TNFRSF8: variants seen among roughly 807,000 people sequenced by gnomAD.
TNFRSF8 encodes tumor necrosis factor receptor superfamily member 8.
Under a neutral mutation model 70.8 loss-of-function variants are expected in TNFRSF8, and 26 were observed. The ratio of observed to expected loss-of-function variants is 0.37; its 90% CI spans 0.27 to 0.51. TNFRSF8 has a LOEUF of 0.51. TNFRSF8 is among the 20% of genes least tolerant of loss of function. The pLI is 0.94. For missense variants in TNFRSF8, 720 were observed against 807.9 expected, an observed-to-expected ratio of 0.89 and a Z score of 1.32; for synonymous variants, 356 against 339.2, an observed-to-expected ratio of 1.05 and a Z score of -0.54.
At position 12,115,672 on chromosome 1, in the gene TNFRSF8, T is replaced by C. The variant is rs1763642; in HGVS notation, c.889T>C (p.Cys297Arg). 2.1e-5 allele frequency: 34 copies of C among 1,614,094 alleles called. No individual in the cohort carries two copies. The highest frequency in any genetic ancestry group is 2.8e-5 in the Non-Finnish European group (33 of 1,180,038). The change falls in exon 8 of 15, where the codon TGT (cysteine) becomes CGT (arginine). Residue 297 changes from cysteine (C) to arginine (R), a missense_variant. Coordinates refer to ENST00000263932, the MANE Select transcript of TNFRSF8 (RefSeq NM_001243.5). ...CTGTGCCACATCAGCCACCAACTCC[T>C]GTGCCCGCTGTGTCCCCTACCCAAT... ...MICATSATNS[C>R]ARCVPYPICA...
chr1:12,069,460 G>A (rs1172360762), intron 1 of TNFRSF8, among the ~76,000 whole-genome samples: 1 of 152,132 alleles, frequency 6.6e-6, no homozygotes, highest in Non-Finnish European at 1.5e-5. Flanking sequence ...GAATACAGGG[G>A]TGAGCCACCA....
At chr1:12,135,073 T>G (rs2101042829) in intron 12 of TNFRSF8, among the ~76,000 whole-genome samples, 1 of 151,964 alleles carries the variant, frequency 6.6e-6, no homozygotes, top group East Asian at 1.9e-4. Flanking sequence ...CCCAGCACTT[T>G]GCAAGGCCAA....
chr1:12,091,218 A>G (rs1435072553), intron 2 of TNFRSF8, among the ~76,000 whole-genome samples: 1 of 152,222 alleles, frequency 6.6e-6, no homozygotes, highest in East Asian at 1.9e-4. Context: ...TGATGCACAG[A>G]CTTTGAGGCA....
In TNFRSF8 at chr1:12,110,315, G is replaced by T; in HGVS notation, c.676+111G>T. 8.6e-7 allele frequency: 1 copy of T among 1,163,814 alleles called. No homozygotes were observed. The highest frequency in any genetic ancestry group is 1.2e-6 in the Non-Finnish European group (1 of 851,998). 72.1% of individuals were successfully genotyped at this position (1,163,814 alleles called of 1,614,324 possible). A position where few individuals can be genotyped will look rare whatever the true frequency, so the allele number is the denominator to read the frequency against. On this transcript the variant is annotated intron_variant, in intron 6 of 14. Transcript: ENST00000263932. The surrounding 1 kb of genome is among the most constrained non-coding windows in gnomAD (Gnocchi z 4.0). ...GGCAGTGATCTGTGGTCTTTTCCTG[G>T]TGGGGAGAGAAGACGGTGGTAAGGT... is the stretch of plus-strand genomic sequence containing the variant.
Position 12,109,714 on chromosome 1 carries a change from C to A in TNFRSF8, c.512+58C>A. The A allele has an allele frequency of 1.4e-6, 2 of 1,436,168 alleles. No individual in the cohort carries two copies. Among genetic ancestry groups the A allele is most frequent in the Non-Finnish European group, 9.8e-7 (1 of 1,023,722 alleles). The allele number at this position is 1,436,168 out of a possible 1,614,324, so 89.0% of individuals were successfully genotyped here. On this transcript the variant is annotated intron_variant, in intron 5 of 14. Transcript: ENST00000263932. This position sits in a 1 kb window ranked among gnomAD's most constrained non-coding sequence, Gnocchi z 4.4. Reference sequence around the variant, plus strand: ...CCAAGCTGGCTTTCAGATGAGGCTGCCCCACCCCACAGGACGCCCATGGTA... The same window carrying A: ...CCAAGCTGGCTTTCAGATGAGGCTGACCCACCCCACAGGACGCCCATGGTA...
At position 12,068,952 on chromosome 1, in the gene TNFRSF8, A is replaced by G. The variant is rs186140660; in HGVS notation, c.63+5291A>G. Reference sequence around the variant, plus strand: ...AGTGGTGCGATCTCGGCTCACTGCAACCTCCGCCTCCCGGGTTCAAGCAAT... The same window carrying G: ...AGTGGTGCGATCTCGGCTCACTGCAGCCTCCGCCTCCCGGGTTCAAGCAAT... On this transcript the variant is annotated intron_variant, in intron 1 of 14. Transcript: ENST00000263932. 3.7e-3 allele frequency among the ~76,000 whole-genome samples: 560 copies of G among 150,464 alleles called. 2 individuals are homozygous for G. The highest frequency in any genetic ancestry group is 0.024 in the Middle Eastern group (7 of 294).
intron 3 of TNFRSF8, among the ~76,000 whole-genome samples, chr1:12,101,147 C>T (rs189928654): frequency 1.2e-4 from 19 of 152,086 alleles, no homozygotes; most frequent in East Asian, 7.7e-4. Context: ...ATGATAAGGC[C>T]GGCTTGGTGG....
chr1:12,108,073 C>A lies in TNFRSF8; in HGVS notation c.422-1493C>A, dbSNP rs1369679865. Among the ~76,000 whole-genome samples the A allele has an allele frequency of 1.4e-5, 2 of 139,206 alleles. No individual in the cohort carries two copies. Among genetic ancestry groups the A allele is most frequent in the African/African-American group, 5.2e-5 (2 of 38,444 alleles). The allele number at this position is 139,206 out of a possible 152,430, so 91.3% of individuals were successfully genotyped here. ...GCGAAGTCCCACACATACAGGCCAC[C>A]ATTTTTTTATTTTTTTTTTTTTTGT... is the stretch of plus-strand genomic sequence containing the variant. On this transcript the variant is annotated intron_variant, in intron 4 of 14. Coordinates refer to ENST00000263932, the MANE Select transcript of TNFRSF8 (RefSeq NM_001243.5). The surrounding 1 kb of genome is among the most constrained non-coding windows in gnomAD (Gnocchi z 4.0).
At position 12,138,778 on chromosome 1, in the gene TNFRSF8, G is replaced by T. The variant is rs1642201717; in HGVS notation, c.1543+342G>T. On this transcript the variant is annotated intron_variant, in intron 14 of 14. Coordinates refer to ENST00000263932, the MANE Select transcript of TNFRSF8 (RefSeq NM_001243.5). The surrounding 1 kb of genome is among the most constrained non-coding windows in gnomAD (Gnocchi z 5.7). ...CCTGCCACTTGTCTGGCGCATTCCG[G>T]GCACTGTGTAGGTGCCATCTCTTCA... 6.6e-6 allele frequency among the ~76,000 whole-genome samples: 1 copy of T among 152,152 alleles called. No individual in the cohort carries two copies.
At chr1:12,130,188 G>A (rs1285344869) in intron 12 of TNFRSF8, among the ~76,000 whole-genome samples, 5 of 152,206 alleles carry the variant, frequency 3.3e-5, no homozygotes, top group Non-Finnish European at 5.9e-5. Flanking sequence ...GATGACAGGC[G>A]TGAGCTGCCA....
intron 2 of TNFRSF8, among the ~76,000 whole-genome samples, chr1:12,085,886 C>T (rs768035212): frequency 6.6e-6 from 1 of 152,212 alleles, no homozygotes; most frequent in Non-Finnish European, 1.5e-5. Context: ...ATAACGATGC[C>T]CTCGTGGTCT....
intron 12 of TNFRSF8, 145 bp from the exon 13 acceptor site, chr1:12,135,443 G>A: frequency 2.7e-6 from 3 of 1,117,730 alleles, no homozygotes; most frequent in Admixed American, 2.1e-5. Context: ...GAAACCCATC[G>A]AGGGCTCTCC....
intron 4 of TNFRSF8, among the ~76,000 whole-genome samples, chr1:12,104,967 C>T (rs374400519): frequency 1.3e-5 from 2 of 152,158 alleles, no homozygotes; most frequent in African/African-American, 4.8e-5. Context: ...ACTTGGGTTT[C>T]TTTTCCAACT....
intron 3 of TNFRSF8, among the ~76,000 whole-genome samples, chr1:12,098,641 T>C (rs1641370084): frequency 6.6e-6 from 1 of 152,038 alleles, no homozygotes; most frequent in South Asian, 2.1e-4. Flanking sequence ...CTCAGTCAGA[T>C]TAATGTATCT....
Position 12,138,481 on chromosome 1 carries a change from A to G in TNFRSF8, c.1543+45A>G, listed in dbSNP as rs1472820582. The G allele has an allele frequency of 6.4e-7, 1 of 1,559,866 alleles. No individual in the cohort carries two copies. The highest frequency in any genetic ancestry group is 8.7e-7 in the Non-Finnish European group (1 of 1,146,780). The stretch of plus-strand genomic sequence containing the variant: ...GAGGTCCCCTGCAGCCCAGGGGCAG[A>G]TGGGAGATGAATACGGGGCCCTGGG... On this transcript the variant is annotated intron_variant, in intron 14 of 14. Coordinates refer to ENST00000263932, the MANE Select transcript of TNFRSF8 (RefSeq NM_001243.5). The surrounding 1 kb of genome is among the most constrained non-coding windows in gnomAD (Gnocchi z 5.7).
intron 3 of TNFRSF8, among the ~76,000 whole-genome samples, chr1:12,097,896 G>C (rs2100987004): frequency 6.6e-6 from 1 of 152,192 alleles, no homozygotes; most frequent in South Asian, 2.1e-4. Flanking sequence ...TATCTATTAA[G>C]TTAAGCTTGT....
rs1642261496 is a variant in TNFRSF8 at position 12,141,971 on chromosome 1, G to A, written c.1544-316G>A. 6.6e-6 allele frequency among the ~76,000 whole-genome samples: 1 copy of A among 152,158 alleles called. No homozygotes were observed. On this transcript the variant is annotated intron_variant, in intron 14 of 14. Transcript: ENST00000263932. The surrounding 1 kb of genome is among the most constrained non-coding windows in gnomAD (Gnocchi z 5.4). ...TTCTGCTCGTGCTCTGGTTACCCAC[G>A]GCTTTGCCTGTTTTTGTCCACAGTT...
Position 12,112,125 on chromosome 1 carries a change from T to G in TNFRSF8, c.793+111T>G. On this transcript the variant is annotated intron_variant, in intron 7 of 14. Transcript: ENST00000263932. This position sits in a 1 kb window ranked among gnomAD's most constrained non-coding sequence, Gnocchi z 5.3. ...TTGTGGGTTTTTGATGGGGGTCGCC[T>G]CTTTTCAGAGGGCTTCCATTGGCAT... 1.4e-6 allele frequency: 1 copy of G among 724,666 alleles called. No individual in the cohort carries two copies. The highest frequency in any genetic ancestry group is 2.3e-6 in the Non-Finnish European group (1 of 432,652). 44.9% of individuals were successfully genotyped at this position (724,666 alleles called of 1,614,324 possible).
rs1415244171 is a variant in TNFRSF8, at chr1:12,109,292, C to G, written c.422-274C>G. ...AGAGGAATGCAACGGATTGATTGGTCCAGCCTGGTCTCATGGCCACTCGGG... is the reference window on the plus strand; with the variant it reads ...AGAGGAATGCAACGGATTGATTGGTGCAGCCTGGTCTCATGGCCACTCGGG... On this transcript the variant is annotated intron_variant, in intron 4 of 14. Transcript: ENST00000263932. This position sits in a 1 kb window ranked among gnomAD's most constrained non-coding sequence, Gnocchi z 4.4. Among the ~76,000 whole-genome samples, 1 of 152,164 alleles carries G rather than the reference C, an allele frequency of 6.6e-6. No individual in the cohort carries two copies. Among genetic ancestry groups the G allele is most frequent in the Non-Finnish European group, 1.5e-5 (1 of 68,046 alleles).
Sources: gnomAD v4.1 joint callset for allele counts (sites outside exome capture counted in the v4.1 genomes callset) on GRCh38, gnomAD v4.1.1 for gene constraint, Gnocchi (gnomAD v3.1) non-coding constraint, MANE v1.5 for transcripts, NCBI Gene and HGNC (gene_info 2026-07-23, HGNC 2026-07-21) for gene names.